WWOX: variants seen among roughly 807,000 people sequenced by gnomAD.
WWOX encodes the protein WW domain-containing oxidoreductase.
In WWOX, 69 loss-of-function variants were observed where a neutral mutation model predicts 46.2. That is an observed-to-expected ratio of 1.49 (90% CI 1.23 to 1.82). WWOX has a LOEUF of 1.82. Ranked by LOEUF, WWOX falls within the 40% of genes most tolerant of loss-of-function variation. The pLI is 0.00. For synonymous variants in WWOX, 359 were observed against 202.6 expected (o/e 1.77, Z -6.56); for missense variants, 919 against 542.6 (o/e 1.69, Z -6.89).
chr16:78,621,021 A>G (rs1361621778), intron 8 of WWOX, among the ~76,000 whole-genome samples: 2 of 152,178 alleles, frequency 1.3e-5, no homozygotes, highest in Non-Finnish European at 1.5e-5. Flanking sequence ...GGCTGTTGAA[A>G]GGCTCCTTCT....
chr16:78,303,613 C>T (rs1350788521), intron 5 of WWOX, among the ~76,000 whole-genome samples: 2 of 152,158 alleles, frequency 1.3e-5, no homozygotes, highest in Non-Finnish European at 2.9e-5. Flanking sequence ...GGCACAATCT[C>T]GGCTCACTGC....
At chr16:78,600,494 G>T (rs1176389703) in intron 8 of WWOX, among the ~76,000 whole-genome samples, 1 of 152,086 alleles carries the variant, frequency 6.6e-6, no homozygotes, top group African/African-American at 2.4e-5. Context: ...AACCCTCCGT[G>T]GGTTAAAGCA....
chr16:79,078,208 C>G (rs148844024), intron 8 of WWOX: 1 of 152,204 alleles, frequency 6.6e-6, no homozygotes, highest in Non-Finnish European at 1.5e-5. Context: ...CAGATAAAGT[C>G]TGTGGCTCCA....
At position 78,689,694 on chromosome 16, in the gene WWOX, C is replaced by T. The variant is rs138461392; in HGVS notation, c.1056+256942C>T. 4.1e-4 allele frequency among the ~76,000 whole-genome samples: 62 copies of T among 152,326 alleles called. No homozygotes were observed. In the East Asian group the frequency reaches 0.012, roughly 28 times the overall value. ...TGCATCCACTGACCCTCCCACTCCCCTGCTACTCTGTTCCTTGACTATAAA... is the reference window on the plus strand; with the variant it reads ...TGCATCCACTGACCCTCCCACTCCCTTGCTACTCTGTTCCTTGACTATAAA... On this transcript the variant is annotated intron_variant, in intron 8 of 8. Coordinates refer to ENST00000566780, the MANE Select transcript of WWOX (RefSeq NM_016373.4).
At chr16:78,617,449 C>A (rs1004799617) in intron 8 of WWOX, among the ~76,000 whole-genome samples, 2 of 151,592 alleles carry the variant, frequency 1.3e-5, no homozygotes, top group Admixed American at 6.6e-5. Flanking sequence ...TGCTGCTTTG[C>A]CTAAGTATTT....
At chr16:79,210,563 A>G (rs963114188) in intron 8 of WWOX, among the ~76,000 whole-genome samples, 4 of 151,836 alleles carry the variant, frequency 2.6e-5, no homozygotes, top group African/African-American at 4.8e-5. Context: ...CTCTCTTGCA[A>G]CCCCTCTCCC....
At chr16:78,878,164 G>T (rs781564695) in intron 8 of WWOX, among the ~76,000 whole-genome samples, 21 of 152,192 alleles carry the variant, frequency 1.4e-4, no homozygotes, top group Non-Finnish European at 2.4e-4. Flanking sequence ...TGCTTCCGAG[G>T]TGGTGCTGCA....
chr16:78,904,998 T>A (rs1394440385), intron 8 of WWOX, among the ~76,000 whole-genome samples: 2 of 152,190 alleles, frequency 1.3e-5, no homozygotes, highest in Non-Finnish European at 2.9e-5. Context: ...CATCCTATAG[T>A]GTTATTATAA....
intron 8 of WWOX, among the ~76,000 whole-genome samples, chr16:78,783,341 G>A (rs553272877): frequency 1.3e-5 from 2 of 152,360 alleles, no homozygotes; most frequent in South Asian, 4.1e-4. Flanking sequence ...AGACAGGCTT[G>A]GGCTGATGGA....
intron 8 of WWOX, among the ~76,000 whole-genome samples, chr16:78,933,032 G>C (rs1336890931): frequency 6.6e-6 from 1 of 152,204 alleles, no homozygotes; most frequent in African/African-American, 2.4e-5. Flanking sequence ...TGAGTTAAGA[G>C]TTTCTATGAG....
chr16:78,585,933 G>T (rs1006784416), intron 8 of WWOX, among the ~76,000 whole-genome samples: 1 of 151,790 alleles, frequency 6.6e-6, no homozygotes, highest in Admixed American at 6.6e-5. Flanking sequence ...GTGGTGGCTC[G>T]TTTCTATAAT....
intron 8 of WWOX, among the ~76,000 whole-genome samples, chr16:78,744,119 G>A (rs993582059): frequency 2.6e-5 from 4 of 152,136 alleles, no homozygotes; most frequent in African/African-American, 7.2e-5. Flanking sequence ...CCACAGCAGC[G>A]TGTGCTCTGA....
At chr16:78,145,350 C>T (rs2034160943) in intron 4 of WWOX, among the ~76,000 whole-genome samples, 1 of 152,184 alleles carries the variant, frequency 6.6e-6, no homozygotes, top group Non-Finnish European at 1.5e-5. Flanking sequence ...GATAGTGTAG[C>T]CTTCAGGCTG....
intron 8 of WWOX, among the ~76,000 whole-genome samples, chr16:78,830,616 G>T (rs1368499664): frequency 1.3e-5 from 2 of 151,880 alleles, no homozygotes; most frequent in African/African-American, 4.8e-5. Context: ...TCAGACAATC[G>T]AAAAATTGAA....
In WWOX at chr16:78,192,976, C is replaced by T. The variant is rs72806815; in HGVS notation, c.516+28687C>T. On this transcript the variant is annotated intron_variant, in intron 5 of 8. Transcript: ENST00000566780. ...AAAAATAAATGTGTGTTTGTTTGCTCATAACACATGTGGCTGAGGGTTGGC... is the reference window on the plus strand; with the variant it reads ...AAAAATAAATGTGTGTTTGTTTGCTTATAACACATGTGGCTGAGGGTTGGC... Among the ~76,000 whole-genome samples, 1,486 of 152,338 alleles carry T rather than the reference C, an allele frequency of 9.8e-3. 12 individuals are homozygous for T. Among genetic ancestry groups the T allele is most frequent in the Middle Eastern group, 0.031 (9 of 294 alleles).
intron 5 of WWOX, among the ~76,000 whole-genome samples, chr16:78,348,043 T>C (rs931517305): frequency 8.2e-6 from 1 of 122,588 alleles, no homozygotes; most frequent in African/African-American, 2.8e-5. Flanking sequence ...ACCTTTCTGC[T>C]TCCATCCCCT....
intron 8 of WWOX, among the ~76,000 whole-genome samples, chr16:78,518,984 C>T (rs959288248): frequency 6.6e-6 from 1 of 152,116 alleles, no homozygotes; most frequent in African/African-American, 2.4e-5. Context: ...TTACTGTCTT[C>T]TGAGCTGATT....
chr16:78,432,110 T>C (rs984327314), intron 7 of WWOX, among the ~76,000 whole-genome samples: 7 of 147,296 alleles, frequency 4.8e-5, no homozygotes, highest in Middle Eastern at 3.5e-3. Flanking sequence ...CTACATAGTT[T>C]CCTCAGATTG....
intron 8 of WWOX, among the ~76,000 whole-genome samples, chr16:78,590,128 A>G (rs72803978): frequency 0.053 from 6,989 of 131,718 alleles, 209 homozygotes; most frequent in South Asian, 0.084. Flanking sequence ...GCCATGTCTG[A>G]TAGATATTAG....
Sources: allele counts gnomAD v4.1 joint callset (sites outside exome capture counted in the v4.1 genomes callset), GRCh38; gene constraint gnomAD v4.1.1; transcripts MANE v1.5; gene names NCBI Gene and HGNC (gene_info 2026-07-23, HGNC 2026-07-21).